Variants in FSTL5 observed in about 807,000 individuals in gnomAD.
FSTL5 encodes the protein follistatin like 5.
FSTL5 carries 62 observed loss-of-function variants against 89.1 expected under a neutral mutation model. The observed-to-expected ratio is 0.70, with a 90% CI of 0.57 to 0.86. The LOEUF (loss-of-function observed/expected upper bound fraction) is 0.86, where lower values mean the gene tolerates loss of function less well. Ranked by LOEUF, FSTL5 falls within the 40% of genes least tolerant of loss-of-function variation. FSTL5 has a pLI of 0.00. For synonymous variants in FSTL5, 383 were observed against 346.2 expected (o/e 1.11, Z -1.18); for missense variants, 1,057 against 1,001.6 (o/e 1.06, Z -0.75).
At chr4:161,698,780 A>G (rs558955213) in intron 6 of FSTL5, among the ~76,000 whole-genome samples, 47 of 151,910 alleles carry the variant, frequency 3.1e-4, no homozygotes, top group Admixed American at 6.6e-4. Context: ...ATACAAAAAC[A>G]AACAAACAAA....
chr4:161,993,996 G>A (rs1736215370), intron 3 of FSTL5, among the ~76,000 whole-genome samples: 1 of 152,052 alleles, frequency 6.6e-6, no homozygotes. Flanking sequence ...CATCACCCAG[G>A]TATTAAGCCT....
At chr4:162,053,794 T>C (rs1025382410) in intron 2 of FSTL5, among the ~76,000 whole-genome samples, 2 of 151,848 alleles carry the variant, frequency 1.3e-5, no homozygotes, top group African/African-American at 4.8e-5. Flanking sequence ...ACTTTACCTT[T>C]ATTTTTTAAA....
intron 8 of FSTL5, among the ~76,000 whole-genome samples, chr4:161,575,368 T>A (rs971071882): frequency 6.6e-6 from 1 of 152,232 alleles, no homozygotes; most frequent in African/African-American, 2.4e-5. Flanking sequence ...ATGTCAATTT[T>A]GGCTTTTCTT....
chr4:161,724,802 T>C (rs1739335524), intron 6 of FSTL5, among the ~76,000 whole-genome samples: 1 of 152,178 alleles, frequency 6.6e-6, no homozygotes, highest in Non-Finnish European at 1.5e-5. Flanking sequence ...GGAAGAAACA[T>C]AAGATTTAAT....
intron 7 of FSTL5, among the ~76,000 whole-genome samples, chr4:161,602,342 T>C (rs959334231): frequency 1.3e-4 from 20 of 149,706 alleles, no homozygotes; most frequent in African/African-American, 4.7e-4. Context: ...TCCTGACACA[T>C]TGAAGAAAAG....
intron 3 of FSTL5, among the ~76,000 whole-genome samples, chr4:161,936,489 T>A (rs1734437063): frequency 6.6e-6 from 1 of 152,146 alleles, no homozygotes; most frequent in Non-Finnish European, 1.5e-5. Context: ...AGAATATAGA[T>A]AGGTGGGAAC....
At chr4:161,843,351 G>A (rs975996021) in intron 4 of FSTL5, among the ~76,000 whole-genome samples, 5 of 151,984 alleles carry the variant, frequency 3.3e-5, no homozygotes, top group African/African-American at 9.7e-5. Flanking sequence ...AAATTACTTC[G>A]GGCAGTATGG....
intron 2 of FSTL5, among the ~76,000 whole-genome samples, chr4:162,083,497 G>A (rs1220772315): frequency 6.6e-6 from 1 of 151,310 alleles, no homozygotes; most frequent in Non-Finnish European, 1.5e-5. Context: ...CATTAAAAAA[G>A]TTTTTGCAAA....
chr4:161,998,726 A>G (rs190481279), intron 3 of FSTL5, among the ~76,000 whole-genome samples: 212 of 152,274 alleles, frequency 1.4e-3, no homozygotes, highest in African/African-American at 4.9e-3. Flanking sequence ...CAATTAAGAT[A>G]TTCACCATGC....
At position 162,003,315 on chromosome 4, in the gene FSTL5, C is replaced by T. The variant is rs369970647; in HGVS notation, c.160+30310G>A. On this transcript the variant is annotated intron_variant, in intron 3 of 15. Coordinates refer to ENST00000306100, the MANE Select transcript of FSTL5 (RefSeq NM_020116.5). ...TTACTCATTCCATTACCCAGTGGTA[C>T]TATGAGGTTAGTTGTGTCATTCCCA... Among the ~76,000 whole-genome samples, 48 of 152,252 alleles carry T rather than the reference C, an allele frequency of 3.2e-4. 1 individual carries two copies. In the East Asian group the frequency reaches 8.7e-3, roughly 28 times the overall value.
chr4:161,471,288 C>T (rs1466499116), intron 13 of FSTL5, among the ~76,000 whole-genome samples: 2 of 152,112 alleles, frequency 1.3e-5, no homozygotes, highest in African/African-American at 2.4e-5. Context: ...TTATCACATG[C>T]TTTTTTCGAT....
chr4:161,789,563 A>AT (rs1217381749), intron 4 of FSTL5, among the ~76,000 whole-genome samples: 3 of 152,208 alleles, frequency 2.0e-5, no homozygotes, highest in African/African-American at 4.8e-5. Flanking sequence ...TACCACAATT[A>AT]TTTTTTCCAT....
chr4:161,952,013 C>T (rs1734909705), intron 3 of FSTL5, among the ~76,000 whole-genome samples: 1 of 151,870 alleles, frequency 6.6e-6, no homozygotes, highest in South Asian at 2.1e-4. Flanking sequence ...TGTCTTTACT[C>T]AGTGATGGTA....
At chr4:162,117,603 T>C (rs1422334664) in intron 1 of FSTL5, among the ~76,000 whole-genome samples, 1 of 152,132 alleles carries the variant, frequency 6.6e-6, no homozygotes, top group African/African-American at 2.4e-5. Context: ...TATATATTTC[T>C]AGAAAATAAG....
In FSTL5 at chr4:161,862,497, G is replaced by A. The variant is rs538169093; in HGVS notation, c.409+57907C>T. Among the ~76,000 whole-genome samples the A allele has an allele frequency of 4.6e-5, 7 of 152,252 alleles. No homozygotes were observed. The South Asian group carries it at 1.2e-3, about 27-fold the overall frequency. On this transcript the variant is annotated intron_variant, in intron 4 of 15. Transcript: ENST00000306100. ...CACCTGTAATCCTAGCACTTTGGGA[G>A]GCTGAGGTGGGCGGATAACCAGGTC... is the stretch of plus-strand genomic sequence containing the variant.
chr4:162,129,893 G>T (rs72986906), intron 1 of FSTL5, among the ~76,000 whole-genome samples: 35,391 of 152,102 alleles, frequency 0.23, 4,327 homozygotes, highest in Non-Finnish European at 0.25. Context: ...TCATTTCTTT[G>T]AGATTTACTC....
intron 15 of FSTL5, among the ~76,000 whole-genome samples, chr4:161,435,414 C>G (rs1053230769): frequency 6.6e-6 from 1 of 151,812 alleles, no homozygotes; most frequent in Non-Finnish European, 1.5e-5. Context: ...TAATGGTTAA[C>G]AGAGGCTGAA....
At chr4:161,511,538 A>T (rs1170433677) in intron 10 of FSTL5, among the ~76,000 whole-genome samples, 1 of 152,126 alleles carries the variant, frequency 6.6e-6, no homozygotes, top group African/African-American at 2.4e-5. Flanking sequence ...TATAACTTTC[A>T]ATTATGAGAT....
rs570149272 is a variant in FSTL5, at chr4:162,141,448, T to C, written c.-17+22167A>G. On this transcript the variant is annotated intron_variant, in intron 1 of 15. Transcript: ENST00000306100. ...CTCTTTTGGTCCCTCTTTTGCTATG[T>C]GATACATCTGCTCTGTCTTTGTCTT... 1.8e-4 allele frequency among the ~76,000 whole-genome samples: 28 copies of C among 152,218 alleles called. 1 individual carries two copies. The South Asian group carries it at 5.8e-3, about 32-fold the overall frequency.
Sources: gnomAD v4.1 joint callset for allele counts (sites outside exome capture counted in the v4.1 genomes callset) on GRCh38, gnomAD v4.1.1 for gene constraint, MANE v1.5 for transcripts, NCBI Gene and HGNC (gene_info 2026-07-23, HGNC 2026-07-21) for gene names.